WDFY4: variants seen among roughly 807,000 people sequenced by gnomAD.
WDFY4 encodes WDFY family member 4.
A neutral mutation model predicts 351.9 loss-of-function variants in WDFY4; 169 were observed. The ratio of observed to expected loss-of-function variants is 0.48; its 90% CI spans 0.42 to 0.55. The LOEUF is 0.55. Among genes scored for constraint, WDFY4 ranks in the 20% least tolerant of loss-of-function variants. The probability of loss-of-function intolerance (pLI) is 0.00; values close to 1 mark genes in which losing one functional copy is unlikely to be tolerated. For synonymous variants in WDFY4, 1,622 were observed against 1,574.6 expected (o/e 1.03, Z -0.71); for missense variants, 3,803 against 3,935.6 (o/e 0.97, Z 0.90).
chr10:48,824,098 T>A lies in WDFY4; in HGVS notation c.5982+1561T>A, dbSNP rs905894500. On this transcript the variant is annotated intron_variant, in intron 35 of 61. Transcript: ENST00000325239. ...TGTATGGACCAGTCCATGCTAAGGCTACAAATCAGGGTCTTCTACTTCTCC... is the reference window on the plus strand; with the variant it reads ...TGTATGGACCAGTCCATGCTAAGGCAACAAATCAGGGTCTTCTACTTCTCC... 4 of 985,320 alleles carry A rather than the reference T, an allele frequency of 4.1e-6. No homozygotes were observed. In the African/African-American group the frequency reaches 7.0e-5, roughly 17 times the overall value. 61.0% of individuals were successfully genotyped at this position (985,320 alleles called of 1,614,324 possible).
intron 44 of WDFY4, among the ~76,000 whole-genome samples, chr10:48,897,040 G>A (rs1035696776): frequency 3.9e-4 from 60 of 152,230 alleles, no homozygotes; most frequent in African/African-American, 1.4e-3. Context: ...GAGGGCTCCT[G>A]GGCATGGTTT....
At chr10:48,934,959 GC>G (rs1336143288) in intron 47 of WDFY4, among the ~76,000 whole-genome samples, 3 of 152,206 alleles carry the variant, frequency 2.0e-5, no homozygotes, top group Non-Finnish European at 2.9e-5. Flanking sequence ...CTAGCTAGCT[GC>G]CCTTCCTGAC....
chr10:48,787,484 T>A (rs540244564), intron 20 of WDFY4, among the ~76,000 whole-genome samples: 1 of 152,352 alleles, frequency 6.6e-6, no homozygotes, highest in East Asian at 1.9e-4. Context: ...GCCAAAGTCT[T>A]ACCAATTCTA....
intron 39 of WDFY4, among the ~76,000 whole-genome samples, chr10:48,853,071 A>C (rs917214687): frequency 1.6e-4 from 25 of 152,098 alleles, no homozygotes; most frequent in African/African-American, 6.0e-4. Flanking sequence ...TGCATTTACC[A>C]TGTTTAAACC....
At chr10:48,976,237 G>A (rs1842563348) in intron 58 of WDFY4, among the ~76,000 whole-genome samples, 1 of 152,204 alleles carries the variant, frequency 6.6e-6, no homozygotes, top group African/African-American at 2.4e-5. Flanking sequence ...GGTGACAGTG[G>A]CCACTATAGA....
intron 32 of WDFY4, among the ~76,000 whole-genome samples, chr10:48,819,418 G>A (rs1167481302): frequency 6.6e-6 from 1 of 152,190 alleles, no homozygotes; most frequent in East Asian, 1.9e-4. Flanking sequence ...TACCTCCCTA[G>A]GTGCCATTAA....
chr10:48,694,241 A>C (rs1049749483), intron 1 of WDFY4, among the ~76,000 whole-genome samples: 3 of 152,154 alleles, frequency 2.0e-5, no homozygotes, highest in African/African-American at 7.2e-5. Context: ...GGCTGCTCAG[A>C]GTCTGGAGAC....
chr10:48,743,577 T>C, intron 12 of WDFY4, 29 bp downstream of exon 12: 8 of 1,515,056 alleles, frequency 5.3e-6, no homozygotes, highest in Non-Finnish European at 7.1e-6. Context: ...GTGTCATCAG[T>C]GCATCTCTGT....
chr10:48,795,642 G>A (rs547481217), intron 23 of WDFY4, among the ~76,000 whole-genome samples: 21 of 151,814 alleles, frequency 1.4e-4, no homozygotes, highest in Admixed American at 3.3e-4. Context: ...GAGAAAGGGC[G>A]GGCTGTGTTG....
At chr10:48,924,038 G>A (rs1326981944) in intron 47 of WDFY4, among the ~76,000 whole-genome samples, 5 of 152,296 alleles carry the variant, frequency 3.3e-5, no homozygotes, top group East Asian at 1.9e-4. Flanking sequence ...GAACTCCTCC[G>A]TTAAGGAGCC....
In WDFY4 at chr10:48,743,508, C is replaced by G. The variant is rs1006171782; in HGVS notation, c.2419C>G (p.Pro807Ala). The G allele has an allele frequency of 6.5e-7, 1 of 1,540,104 alleles. No individual in the cohort carries two copies. The highest frequency in any genetic ancestry group is 8.7e-7 in the Non-Finnish European group (1 of 1,146,280). ...DVQKGETGSD[P>A]QRNFKQWPDL... ...TCAGAAGGGAGAAACTGGCAGTGAC[C>G]CCCAACGCAACTTCAAGCAGTGGCC... Residue 807 changes from proline to alanine, a missense_variant, in exon 12 of 62, where the codon CCC (proline) becomes GCC (alanine). Coordinates refer to ENST00000325239, the MANE Select transcript of WDFY4 (RefSeq NM_001394531.1).
chr10:48,963,365 G>T (rs1230142059), intron 53 of WDFY4, among the ~76,000 whole-genome samples: 1 of 152,180 alleles, frequency 6.6e-6, no homozygotes, highest in Non-Finnish European at 1.5e-5. Context: ...TGATGTTAAG[G>T]AATGTGTACA....
chr10:48,881,091 TG>T (rs967010494), intron 43 of WDFY4, among the ~76,000 whole-genome samples: 16 of 152,230 alleles, frequency 1.1e-4, no homozygotes, highest in African/African-American at 3.6e-4. Flanking sequence ...AAGATTGACA[TG>T]GGGCTGTGTC....
chr10:48,957,949 C>T (rs185725251), intron 52 of WDFY4, among the ~76,000 whole-genome samples: 1 of 152,306 alleles, frequency 6.6e-6, no homozygotes, highest in African/African-American at 2.4e-5. Context: ...AGAGCAGATG[C>T]GTGGTCACAG....
At chr10:48,777,541 T>G in intron 17 of WDFY4, 46 bp downstream of exon 17, 3 of 1,508,068 alleles carry the variant, frequency 2.0e-6, no homozygotes, top group Non-Finnish European at 2.7e-6. Flanking sequence ...CCTTCCAAAG[T>G]ATGAGTCTTC....
At chr10:48,839,616 G>T (rs1406032740) in intron 39 of WDFY4, among the ~76,000 whole-genome samples, 1 of 152,218 alleles carries the variant, frequency 6.6e-6, no homozygotes, top group Non-Finnish European at 1.5e-5. Flanking sequence ...CAGATCAAGA[G>T]AAAGCAGGCT....
At chr10:48,814,195 C>T (rs533050633) in intron 31 of WDFY4, 113 bp downstream of exon 31, 1 of 1,357,814 alleles carries the variant, frequency 7.4e-7, no homozygotes, top group Admixed American at 3.0e-5. Flanking sequence ...AGTAATTAGC[C>T]AGATCCTGTA....
At chr10:48,800,622 G>A (rs2067035302) in intron 24 of WDFY4, among the ~76,000 whole-genome samples, 1 of 152,074 alleles carries the variant, frequency 6.6e-6, no homozygotes, top group Admixed American at 6.5e-5. Context: ...AGAAAGTTGA[G>A]AATCAGGGAG....
chr10:48,915,821 G>A (rs541439705), intron 47 of WDFY4, among the ~76,000 whole-genome samples: 1 of 152,262 alleles, frequency 6.6e-6, no homozygotes, highest in South Asian at 2.1e-4. Context: ...CAGCATTGAT[G>A]TTCATTTACA....
Sources: allele counts gnomAD v4.1 joint callset (sites outside exome capture counted in the v4.1 genomes callset), GRCh38; gene constraint gnomAD v4.1.1; transcripts MANE v1.5; gene names NCBI Gene and HGNC (gene_info 2026-07-23, HGNC 2026-07-21).